CNTN4: variants seen among roughly 807,000 people sequenced by gnomAD.
CNTN4 encodes the protein contactin-4.
A neutral mutation model predicts 122.5 loss-of-function variants in CNTN4; 77 were observed. The ratio of observed to expected loss-of-function variants is 0.63; its 90% confidence interval spans 0.52 to 0.76. The LOEUF (loss-of-function observed/expected upper bound fraction) is 0.76. Among genes scored for constraint, CNTN4 ranks in the 30% least tolerant of loss-of-function variants. CNTN4 has a pLI of 0.00. For missense variants in CNTN4, 1,256 were observed against 1,259.1 expected (o/e 1.00, Z 0.04); for synonymous variants, 512 against 447.0 (o/e 1.15, Z -1.83).
At chr3:2,350,961 C>T (rs1288482441) in intron 3 of CNTN4, among the ~76,000 whole-genome samples, 1 of 152,162 alleles carries the variant, frequency 6.6e-6, no homozygotes, top group African/African-American at 2.4e-5. Flanking sequence ...CCTCCCAACG[C>T]ATGATATAGT....
At chr3:2,574,587 C>T (rs542594332) in intron 4 of CNTN4, among the ~76,000 whole-genome samples, 2 of 152,066 alleles carry the variant, frequency 1.3e-5, no homozygotes, top group Admixed American at 1.3e-4. Flanking sequence ...CTATTGATGC[C>T]AGTAATCTAA....
At chr3:2,858,651 T>G (rs746164470) in intron 7 of CNTN4, among the ~76,000 whole-genome samples, 10 of 151,324 alleles carry the variant, frequency 6.6e-5, no homozygotes, top group Non-Finnish European at 1.3e-4. Flanking sequence ...TGAACCCAGG[T>G]GGTGGAGGCT....
chr3:2,450,367 A>AAAAT (rs56349378), intron 3 of CNTN4, among the ~76,000 whole-genome samples: 19,547 of 148,430 alleles, frequency 0.13, 1,863 homozygotes, highest in East Asian at 0.52. Context: ...ACTCTGTCTC[A>AAAAT]AAATAAATAA....
chr3:2,122,142 G>T (rs113939994), intron 2 of CNTN4, among the ~76,000 whole-genome samples: 5 of 147,436 alleles, frequency 3.4e-5, no homozygotes, highest in Non-Finnish European at 5.9e-5. Context: ...GCGACAGAGC[G>T]ACACTCCATC....
intron 3 of CNTN4, among the ~76,000 whole-genome samples, chr3:2,447,379 T>G (rs1247350045): frequency 6.6e-6 from 1 of 152,194 alleles, no homozygotes; most frequent in Non-Finnish European, 1.5e-5. Flanking sequence ...AATAATTATT[T>G]GTCTATCAAT....
intron 3 of CNTN4, among the ~76,000 whole-genome samples, chr3:2,412,504 C>T (rs1364491093): frequency 6.6e-6 from 1 of 152,154 alleles, no homozygotes; most frequent in Non-Finnish European, 1.5e-5. Context: ...TTGCCCTCCT[C>T]AGCCTCCCAA....
chr3:2,948,109 A>G (rs1157668296), intron 13 of CNTN4, among the ~76,000 whole-genome samples: 1 of 152,204 alleles, frequency 6.6e-6, no homozygotes, highest in African/African-American at 2.4e-5. Context: ...TAATAGTAAC[A>G]TCTGTTACCT....
chr3:2,332,131 T>C (rs1412022702), intron 2 of CNTN4, among the ~76,000 whole-genome samples: 2 of 152,140 alleles, frequency 1.3e-5, no homozygotes, highest in African/African-American at 2.4e-5. Context: ...ATTGATGATA[T>C]CTTTGCACAT....
intron 3 of CNTN4, among the ~76,000 whole-genome samples, chr3:2,351,754 T>C (rs1178627102): frequency 6.6e-6 from 1 of 150,806 alleles, no homozygotes; most frequent in Admixed American, 6.6e-5. Flanking sequence ...GACTACTGTT[T>C]ATGAAATCTA....
At chr3:2,414,411 T>C (rs1280131017) in intron 3 of CNTN4, among the ~76,000 whole-genome samples, 1 of 152,162 alleles carries the variant, frequency 6.6e-6, no homozygotes, top group Non-Finnish European at 1.5e-5. Flanking sequence ...AAAAATGCCA[T>C]TTTAAAAGAA....
At chr3:2,570,797 C>G (rs758683529) in intron 3 of CNTN4, among the ~76,000 whole-genome samples, 1 of 152,130 alleles carries the variant, frequency 6.6e-6, no homozygotes, top group Non-Finnish European at 1.5e-5. Context: ...TATTAGTGTT[C>G]CTAATCATGT....
intron 3 of CNTN4, among the ~76,000 whole-genome samples, chr3:2,458,556 T>C (rs1390702706): frequency 6.6e-6 from 1 of 152,142 alleles, no homozygotes; most frequent in Non-Finnish European, 1.5e-5. Context: ...TTGATAGAGA[T>C]CATTTGGGAG....
chr3:2,163,335 C>A (rs2036044930), intron 2 of CNTN4, among the ~76,000 whole-genome samples: 3 of 152,056 alleles, frequency 2.0e-5, no homozygotes, highest in African/African-American at 7.3e-5. Context: ...CATCTCTCAC[C>A]TTATACAAAA....
chr3:2,661,122 G>A lies in CNTN4; in HGVS notation c.56-75093G>A, dbSNP rs114977632. On this transcript the variant is annotated intron_variant, in intron 4 of 24. Transcript: ENST00000418658. ...ACTACCAAACAGTTTTTCTTCAGCT[G>A]AGCCAATAGCTACCATCTTCCAACT... Among the ~76,000 whole-genome samples the A allele has an allele frequency of 2.1e-3, 321 of 152,280 alleles. 2 individuals are homozygous for A. Among genetic ancestry groups the A allele is most frequent in the South Asian group, 0.017 (84 of 4,832 alleles).
chr3:2,742,791 C>T (rs1037399388), intron 5 of CNTN4, among the ~76,000 whole-genome samples: 4 of 152,184 alleles, frequency 2.6e-5, no homozygotes, highest in Non-Finnish European at 4.4e-5. Context: ...TAAAAGATTC[C>T]TCACACATTG....
At chr3:2,670,952 G>C (rs146776898) in intron 4 of CNTN4, among the ~76,000 whole-genome samples, 1,545 of 152,142 alleles carry the variant, frequency 0.01, 26 homozygotes, top group African/African-American at 0.035. Flanking sequence ...TAGTTTCTGC[G>C]GAGAGATCAG....
rs142839525 is a variant in CNTN4 at position 2,843,027 on chromosome 3, C to T, written c.454+23446C>T. 4.6e-3 allele frequency among the ~76,000 whole-genome samples: 706 copies of T among 152,176 alleles called. 7 individuals are homozygous for T. The highest frequency in any genetic ancestry group is 0.016 in the African/African-American group (675 of 41,526). On this transcript the variant is annotated intron_variant, in intron 7 of 24. Transcript: ENST00000418658. ...TCTTTATACTGATATTTTATAAATA[C>T]CTACTGTCAGCCCCTCTCCCTCCTA...
At chr3:2,582,547 A>C (rs1049144768) in intron 4 of CNTN4, among the ~76,000 whole-genome samples, 4 of 152,160 alleles carry the variant, frequency 2.6e-5, no homozygotes, top group Non-Finnish European at 5.9e-5. Context: ...CAACTTCTTT[A>C]ATTAGAGAAA....
chr3:2,980,672 G>A (rs983424426), intron 13 of CNTN4, among the ~76,000 whole-genome samples: 1 of 152,202 alleles, frequency 6.6e-6, no homozygotes, highest in Non-Finnish European at 1.5e-5. Flanking sequence ...CAAGGAGTGA[G>A]TTTAGAGCCG....
Sources: gnomAD v4.1 joint callset for allele counts (sites outside exome capture counted in the v4.1 genomes callset) on GRCh38, gnomAD v4.1.1 for gene constraint, MANE v1.5 for transcripts, NCBI Gene and HGNC (gene_info 2026-07-23, HGNC 2026-07-21) for gene names.